Variants in IRAK1BP1 observed in about 807,000 individuals in gnomAD.
IRAK1BP1 encodes the protein interleukin 1 receptor associated kinase 1 binding protein 1, also known as interleukin-1 receptor-associated kinase 1-binding protein 1.
Under a neutral mutation model 28.0 loss-of-function variants are expected in IRAK1BP1, and 24 were observed. The observed-to-expected ratio is 0.86, with a 90% CI of 0.62 to 1.20. The LOEUF (loss-of-function observed/expected upper bound fraction) is 1.20, where lower values mean the gene tolerates loss of function less well. Among genes scored for constraint, IRAK1BP1 ranks in the 50% most tolerant of loss-of-function variants. The pLI is 0.00. For synonymous variants in IRAK1BP1, 131 were observed against 116.3 expected, an observed-to-expected ratio of 1.13 and a Z score of -0.81; for missense variants, 336 against 316.7, an observed-to-expected ratio of 1.06 and a Z score of -0.46.
At chr6:78,974,651 GA>G in the IRAK1BP1 span, among the ~76,000 whole-genome samples, 1 of 152,118 alleles carries the variant, frequency 6.6e-6, no homozygotes, top group Non-Finnish European at 1.5e-5. Context: ...AAGAAAAAAA[GA>G]AGAATCAAAT....
intron 4 of IRAK1BP1, among the ~76,000 whole-genome samples, chr6:78,932,485 A>C: frequency 7.4e-6 from 1 of 135,888 alleles, no homozygotes; most frequent in African/African-American, 2.8e-5. Context: ...GCAATGGTGC[A>C]CTCTTGGCTC....
chr6:78,955,493 TA>T, the IRAK1BP1 span: 6 of 503,070 alleles, frequency 1.2e-5, no homozygotes, highest in Non-Finnish European at 1.1e-5. Context: ...TTTTTTTTTT[TA>T]AATTAACTAC....
chr6:78,971,947 G>A, the IRAK1BP1 span, among the ~76,000 whole-genome samples: 1 of 152,088 alleles, frequency 6.6e-6, no homozygotes, highest in South Asian at 2.1e-4. Context: ...AGCGAGGCTG[G>A]GGGAGGGGCG....
chr6:78,877,824 C>T (rs775732495), intron 1 of IRAK1BP1, among the ~76,000 whole-genome samples: 4 of 152,152 alleles, frequency 2.6e-5, no homozygotes, highest in African/African-American at 9.7e-5. Context: ...TCTTAGCAAA[C>T]GACACACCAG....
chr6:78,978,810 G>A, the IRAK1BP1 span: 7 of 964,702 alleles, frequency 7.3e-6, no homozygotes, highest in South Asian at 4.1e-5. Context: ...TAAATAAAAG[G>A]GGAAGGGCAC....
At chr6:78,961,813 AAAAT>A in the IRAK1BP1 span, 3 of 1,597,668 alleles carry the variant, frequency 1.9e-6, no homozygotes, top group Non-Finnish European at 2.6e-6. Flanking sequence ...GGCAATATCT[AAAAT>A]AAATAGATAA....
chr6:78,923,245 GA>G (rs369108192), intron 4 of IRAK1BP1, among the ~76,000 whole-genome samples: 13,411 of 146,314 alleles, frequency 0.092, 863 homozygotes, highest in Non-Finnish European at 0.14. Flanking sequence ...CAAGCACATG[GA>G]AAAAAAAAAG....
In IRAK1BP1 at chr6:78,941,326, A is replaced by G. The variant is rs1054143118; in HGVS notation, c.*68-4082A>G. The G allele has an allele frequency of 5.0e-6, 8 of 1,611,674 alleles. No individual in the cohort carries two copies. The highest frequency in any genetic ancestry group is 5.1e-6 in the Non-Finnish European group (6 of 1,178,608). ...CTGGTACAAGAGCGTTGTTCTTACA[A>G]TCTCCTAAAAGGGAACAACAGTACA... On this transcript the variant is annotated intron_variant and NMD_transcript_variant, in intron 4 of 4. Transcript: ENST00000606868.
Position 78,870,564 on chromosome 6 carries a change from A to C in IRAK1BP1, c.315+2673A>C, listed in dbSNP as rs76175026. 5.9e-4 allele frequency among the ~76,000 whole-genome samples: 90 copies of C among 152,356 alleles called. 4 individuals are homozygous for C. In the East Asian group the frequency reaches 7.5e-3, roughly 13 times the overall value. On this transcript the variant is annotated intron_variant, in intron 1 of 3. Transcript: ENST00000369940. The stretch of plus-strand genomic sequence containing the variant: ...TGAACAAATTATTCAGCTATGGTAT[A>C]GATCATAGATTTATGAACTTGTGTG...
rs115075055 is a variant in IRAK1BP1, at chr6:78,884,499, A to G, written c.316-879A>G. 1.1e-3 allele frequency among the ~76,000 whole-genome samples: 161 copies of G among 152,272 alleles called. 1 individual carries two copies. Among genetic ancestry groups the G allele is most frequent in the African/African-American group, 3.7e-3 (155 of 41,566 alleles). The stretch of plus-strand genomic sequence containing the variant: ...TTTACCCTGAGAATATATAAATATT[A>G]GTACTTTTCTAAAACCAAACTGGCT... On this transcript the variant is annotated intron_variant, in intron 1 of 3. Transcript: ENST00000369940.
At chr6:78,920,443 G>A (rs1016690330) in intron 4 of IRAK1BP1, among the ~76,000 whole-genome samples, 2 of 152,150 alleles carry the variant, frequency 1.3e-5, no homozygotes, top group African/African-American at 2.4e-5. Context: ...ATGGACCAAT[G>A]CAACAGAATA....
chr6:78,894,533 ATATT>A (rs563247471), intron 2 of IRAK1BP1, among the ~76,000 whole-genome samples: 40 of 152,336 alleles, frequency 2.6e-4, no homozygotes, highest in South Asian at 8.3e-4. Context: ...ACAGCACTAA[ATATT>A]TATACATATA....
chr6:78,956,400 A>G, the IRAK1BP1 span: 1 of 152,080 alleles, frequency 6.6e-6, no homozygotes, highest in East Asian at 1.9e-4. Flanking sequence ...TAGTTGGTCA[A>G]CTGTAGCAGT....
At chr6:78,976,022 T>G in the IRAK1BP1 span, among the ~76,000 whole-genome samples, 21 of 151,928 alleles carry the variant, frequency 1.4e-4, no homozygotes, top group Non-Finnish European at 2.2e-4. Flanking sequence ...TGGAAAAAAC[T>G]ACTTTAAAGT....
the IRAK1BP1 span, chr6:78,969,933 A>G: frequency 6.3e-7 from 1 of 1,577,302 alleles, no homozygotes; most frequent in Non-Finnish European, 8.7e-7. Flanking sequence ...TACAAACAGA[A>G]ACAAATTGAT....
the IRAK1BP1 span, among the ~76,000 whole-genome samples, chr6:78,972,766 G>T: frequency 6.6e-6 from 1 of 152,166 alleles, no homozygotes; most frequent in Non-Finnish European, 1.5e-5. Context: ...TGAACTGGAA[G>T]AAAGGGTATC....
the IRAK1BP1 span, chr6:78,970,896 A>T: frequency 6.4e-7 from 1 of 1,571,092 alleles, no homozygotes; most frequent in East Asian, 2.2e-5. Flanking sequence ...AACCTAAAAA[A>T]TAAAGTCATA....
chr6:78,917,869 G>C (rs1346361292), intron 4 of IRAK1BP1, among the ~76,000 whole-genome samples: 4 of 152,156 alleles, frequency 2.6e-5, no homozygotes, highest in African/African-American at 9.7e-5. Context: ...AGACAAGCAA[G>C]TGCTAGGGGA....
the IRAK1BP1 span, chr6:78,978,594 C>T: frequency 6.3e-7 from 1 of 1,586,944 alleles, no homozygotes; most frequent in Non-Finnish European, 8.6e-7. Flanking sequence ...TAAAGTACCT[C>T]ATCACCCATC....
Sources: gnomAD v4.1 joint callset for allele counts (sites outside exome capture counted in the v4.1 genomes callset) on GRCh38, gnomAD v4.1.1 for gene constraint, MANE v1.5 for transcripts, NCBI Gene and HGNC (gene_info 2026-07-23, HGNC 2026-07-21) for gene names.